ITGAE: variants seen among roughly 807,000 people sequenced by gnomAD.
ITGAE encodes the protein integrin alpha-E.
Under a neutral mutation model 136.5 loss-of-function variants are expected in ITGAE, and 99 were observed. The observed-to-expected ratio is 0.73, with a 90% CI of 0.62 to 0.86. The LOEUF (loss-of-function observed/expected upper bound fraction) is 0.86, where lower values mean the gene tolerates loss of function less well. Ranked by LOEUF, ITGAE falls within the 40% of genes least tolerant of loss-of-function variation. The probability of loss-of-function intolerance (pLI) is 0.00; values close to 1 mark genes in which losing one functional copy is unlikely to be tolerated. For missense variants in ITGAE, 1,447 were observed against 1,515.3 expected, an observed-to-expected ratio of 0.95 and a Z score of 0.75; for synonymous variants, 613 against 591.8, an observed-to-expected ratio of 1.04 and a Z score of -0.52.
At chr17:3,777,466 C>T (rs371011326) in intron 2 of ITGAE, 74 bp downstream of exon 2, 67 of 1,520,742 alleles carry the variant, frequency 4.4e-5, no homozygotes, top group East Asian at 4.4e-4. Flanking sequence ...CTGCCATGGC[C>T]GTCTCTGGGG....
At chr17:3,735,377 G>A (rs1230845439) in intron 20 of ITGAE, among the ~76,000 whole-genome samples, 1 of 152,202 alleles carries the variant, frequency 6.6e-6, no homozygotes, top group Non-Finnish European at 1.5e-5. Context: ...ACGTTGGTCA[G>A]GCTGGTCTCG....
intron 1 of ITGAE, among the ~76,000 whole-genome samples, chr17:3,788,755 A>AAAAATAATAATTATTAAAATAATTATTT (rs2052862213): frequency 2.1e-5 from 3 of 142,156 alleles, no homozygotes; most frequent in Admixed American, 6.9e-5. Context: ...ATAATTATTT[A>AAAAATAATAATTATTAAAATAATTATTT]AAAATAATAA....
intron 1 of ITGAE, among the ~76,000 whole-genome samples, chr17:3,792,586 C>A (rs963521008): frequency 6.6e-6 from 1 of 152,190 alleles, no homozygotes; most frequent in African/African-American, 2.4e-5. Context: ...GGGGATACAA[C>A]AAGCCAGGAA....
At chr17:3,735,023 T>A (rs2051430430) in intron 20 of ITGAE, 74 bp from the exon 21 acceptor site, 10 of 1,540,130 alleles carry the variant, frequency 6.5e-6, no homozygotes, top group Non-Finnish European at 8.9e-6. Context: ...AATAGGACAT[T>A]CACCGAGGCT....
At chr17:3,745,954 A>G (rs2051703438) in intron 17 of ITGAE, 27 bp from the exon 18 acceptor site, 1 of 1,605,120 alleles carries the variant, frequency 6.2e-7, no homozygotes, top group Non-Finnish European at 8.5e-7. Context: ...GACCTTCCCG[A>G]TGAGGTGGGG....
intron 26 of ITGAE, among the ~76,000 whole-genome samples, chr17:3,727,327 G>A (rs2325756): frequency 0.54 from 82,387 of 151,736 alleles, 23,157 homozygotes; most frequent in African/African-American, 0.63. Context: ...ATGTTACATC[G>A]CTCACACAGA....
At chr17:3,800,837 G>A (rs182361201) in intron 1 of ITGAE, among the ~76,000 whole-genome samples, 5 of 152,296 alleles carry the variant, frequency 3.3e-5, no homozygotes, top group Admixed American at 2.0e-4. Flanking sequence ...GTGGCGGGGG[G>A]AGGCTGGCTG....
chr17:3,761,524 T>G lies in ITGAE; in HGVS notation c.316-4A>C, dbSNP rs1205363201. The stretch of plus-strand genomic sequence containing the variant: ...GGACCAGCACTTGAATGCATATCTG[T>G]GGGAGGGAAGAGAGGGTGGGGAAAC... On this transcript the variant is annotated splice_polypyrimidine_tract_variant and splice_region_variant and intron_variant, in intron 4 of 30. Coordinates refer to ENST00000263087, the MANE Select transcript of ITGAE (RefSeq NM_002208.5). 2.5e-6 allele frequency: 4 copies of G among 1,609,292 alleles called. No homozygotes were observed. Among genetic ancestry groups the G allele is most frequent in the Non-Finnish European group, 3.4e-6 (4 of 1,177,820 alleles).
At chr17:3,749,820 A>G (rs2051818909) in intron 16 of ITGAE, among the ~76,000 whole-genome samples, 1 of 152,054 alleles carries the variant, frequency 6.6e-6, no homozygotes, top group Non-Finnish European at 1.5e-5. Flanking sequence ...GTTCAAGACC[A>G]GCCTGGCCAA....
At chr17:3,795,818 T>G (rs2143515881) in intron 1 of ITGAE, among the ~76,000 whole-genome samples, 1 of 151,348 alleles carries the variant, frequency 6.6e-6, no homozygotes, top group South Asian at 2.1e-4. Context: ...TGTGCATCCG[T>G]GTGCATCCCT....
At chr17:3,785,983 C>T (rs755285595) in intron 1 of ITGAE, among the ~76,000 whole-genome samples, 16 of 151,684 alleles carry the variant, frequency 1.1e-4, no homozygotes, top group East Asian at 9.7e-4. Flanking sequence ...CTGGCTAACA[C>T]GGTGAAACCC....
chr17:3,726,279 C>T (rs2051210449), intron 26 of ITGAE: 1 of 1,614,108 alleles, frequency 6.2e-7, no homozygotes, highest in Non-Finnish European at 8.5e-7. Flanking sequence ...CAGGACAATG[C>T]TGAACTTCAG....
chr17:3,777,082 TC>T (rs769947039), intron 2 of ITGAE, among the ~76,000 whole-genome samples: 1 of 151,660 alleles, frequency 6.6e-6, no homozygotes, highest in African/African-American at 2.4e-5. Flanking sequence ...TGCCTCAGCC[TC>T]CTGAGTAGCT....
intron 3 of ITGAE, among the ~76,000 whole-genome samples, chr17:3,762,573 T>C: frequency 6.7e-6 from 1 of 150,012 alleles, no homozygotes; most frequent in Non-Finnish European, 1.5e-5. Flanking sequence ...TTCAACTCAG[T>C]GCCTCTCAGA....
At chr17:3,725,984 G>A (rs752810508) in intron 26 of ITGAE, 16 of 1,613,890 alleles carry the variant, frequency 9.9e-6, no homozygotes, top group Non-Finnish European at 1.4e-5. Context: ...GGTTGCAAGT[G>A]AGCATCATTG....
Position 3,745,910 on chromosome 17 carries a change from GA to G in ITGAE, c.2172del (p.Leu725SerfsTer21), listed in dbSNP as rs1203223687. 2 of 1,613,894 alleles carry G rather than the reference GA, an allele frequency of 1.2e-6. No homozygotes were observed. The highest frequency in any genetic ancestry group is 1.7e-6 in the Non-Finnish European group (2 of 1,179,970). ...TASESGLREA[L>X]LNFTLDVDVG... ...ACATCCACATCCAGCGTGAAGTTGAGAAGTGCCTCGCGGAGGCCTGGGAATG... is the reference window on the plus strand; with the variant it reads ...ACATCCACATCCAGCGTGAAGTTGAGAGTGCCTCGCGGAGGCCTGGGAATG... On this transcript the variant is annotated frameshift_variant, in exon 18 of 31. Coordinates refer to ENST00000263087, the MANE Select transcript of ITGAE (RefSeq NM_002208.5). LOFTEE classifies it high-confidence loss of function.
chr17:3,779,333 C>CT (rs5818916), intron 1 of ITGAE, among the ~76,000 whole-genome samples: 44 of 147,334 alleles, frequency 3.0e-4, no homozygotes, highest in South Asian at 8.6e-4. Flanking sequence ...TTATTAATTT[C>CT]TTTTTTTTTT....
intron 12 of ITGAE, among the ~76,000 whole-genome samples, chr17:3,754,190 C>G (rs940139436): frequency 6.6e-6 from 1 of 152,196 alleles, no homozygotes; most frequent in Non-Finnish European, 1.5e-5. Flanking sequence ...CGCACACATT[C>G]ACTACCCACG....
At chr17:3,724,832 T>C (rs1236692822) in intron 26 of ITGAE, 12 of 1,613,982 alleles carry the variant, frequency 7.4e-6, no homozygotes, top group Non-Finnish European at 1.0e-5. Flanking sequence ...GCCAGGACTC[T>C]TGTCAAGAGA....
Sources: gnomAD v4.1 joint callset for allele counts (sites outside exome capture counted in the v4.1 genomes callset) on GRCh38, gnomAD v4.1.1 for gene constraint, MANE v1.5 for transcripts, NCBI Gene and HGNC (gene_info 2026-07-23, HGNC 2026-07-21) for gene names.